KDM4C: variants seen among roughly 807,000 people sequenced by gnomAD.
The protein encoded by KDM4C is lysine-specific demethylase 4C.
Under a neutral mutation model 129.3 loss-of-function variants are expected in KDM4C, and 81 were observed. That is an observed-to-expected ratio of 0.63 (90% CI 0.52 to 0.75). The LOEUF (loss-of-function observed/expected upper bound fraction) is 0.75, where lower values mean the gene tolerates loss of function less well. Among genes scored for constraint, KDM4C ranks in the 30% least tolerant of loss-of-function variants. KDM4C has a pLI of 0.00. For missense variants in KDM4C, 1,457 were observed against 1,304.0 expected, an observed-to-expected ratio of 1.12 and a Z score of -1.81; for synonymous variants, 573 against 456.1, an observed-to-expected ratio of 1.26 and a Z score of -3.26.
At chr9:7,153,036 T>C (rs1194395403) in intron 19 of KDM4C, among the ~76,000 whole-genome samples, 1 of 152,224 alleles carries the variant, frequency 6.6e-6, no homozygotes, top group East Asian at 1.9e-4. Flanking sequence ...TTCCTATCTT[T>C]AAGAAATTTT....
chr9:7,040,369 CTGTGTGTGTG>C (rs527776913), intron 15 of KDM4C, among the ~76,000 whole-genome samples: 12 of 100,392 alleles, frequency 1.2e-4, no homozygotes, highest in South Asian at 7.1e-4. Flanking sequence ...CTACCCCACT[CTGTGTGTGTG>C]TGTGTGTGTG....
chr9:6,951,283 T>C (rs1334657896), intron 8 of KDM4C, among the ~76,000 whole-genome samples: 2 of 152,234 alleles, frequency 1.3e-5, no homozygotes, highest in Admixed American at 6.5e-5. Flanking sequence ...TCTATCTAGC[T>C]GTAACTTTGT....
intron 8 of KDM4C, among the ~76,000 whole-genome samples, chr9:6,905,961 G>T (rs1420898571): frequency 6.6e-6 from 1 of 152,156 alleles, no homozygotes; most frequent in Non-Finnish European, 1.5e-5. Flanking sequence ...CCATATTTCT[G>T]AAAGTATCCA....
chr9:6,976,871 C>A (rs1374110458), intron 8 of KDM4C, among the ~76,000 whole-genome samples: 1 of 150,782 alleles, frequency 6.6e-6, no homozygotes, highest in African/African-American at 2.4e-5. Flanking sequence ...TTGGTGGCTA[C>A]TGTAAAGGGC....
chr9:7,122,750 A>G (rs538260049), intron 18 of KDM4C, among the ~76,000 whole-genome samples: 3 of 151,456 alleles, frequency 2.0e-5, no homozygotes, highest in Admixed American at 1.3e-4. Context: ...TGGCCCTACC[A>G]TTTTTTAAAA....
chr9:7,052,902 C>CGAGA (rs1340297265), intron 17 of KDM4C, among the ~76,000 whole-genome samples: 1,632 of 43,984 alleles, frequency 0.037, 129 homozygotes, highest in African/African-American at 0.053. Flanking sequence ...AGAGAGAGAG[C>CGAGA]GAGCGAGTGC....
chr9:6,963,648 A>C (rs1414139879), intron 8 of KDM4C, among the ~76,000 whole-genome samples: 3 of 152,218 alleles, frequency 2.0e-5, no homozygotes, highest in Non-Finnish European at 2.9e-5. Flanking sequence ...ATCTGAGTTG[A>C]TACTGATGGT....
At chr9:7,119,353 G>A (rs1044868490) in intron 18 of KDM4C, among the ~76,000 whole-genome samples, 11 of 151,982 alleles carry the variant, frequency 7.2e-5, no homozygotes, top group African/African-American at 2.7e-4. Flanking sequence ...TTAGAAAATG[G>A]GAAAAGATAC....
At chr9:6,728,169 A>G (rs1817203555) in intron 1 of KDM4C, among the ~76,000 whole-genome samples, 1 of 150,938 alleles carries the variant, frequency 6.6e-6, no homozygotes, top group South Asian at 2.1e-4. Flanking sequence ...AAAAAGTGTT[A>G]GTGGGATACA....
At chr9:6,899,978 A>G (rs114168814) in intron 8 of KDM4C, among the ~76,000 whole-genome samples, 106 of 152,354 alleles carry the variant, frequency 7.0e-4, no homozygotes, top group African/African-American at 2.3e-3. Context: ...AATAACTTCT[A>G]TACTCTATTG....
At chr9:7,114,516 C>T (rs771121519) in intron 18 of KDM4C, among the ~76,000 whole-genome samples, 18 of 152,270 alleles carry the variant, frequency 1.2e-4, no homozygotes, top group Admixed American at 2.6e-4. Context: ...TCTCAAAATA[C>T]GGTTTTAGTT....
At chr9:7,025,920 C>G (rs892550381) in intron 15 of KDM4C, among the ~76,000 whole-genome samples, 3 of 152,016 alleles carry the variant, frequency 2.0e-5, no homozygotes, top group African/African-American at 4.8e-5. Context: ...TGAAAAACTC[C>G]CAGGCTGGAC....
chr9:7,004,847 A>T (rs1465606896), intron 12 of KDM4C, among the ~76,000 whole-genome samples: 1 of 152,208 alleles, frequency 6.6e-6, no homozygotes, highest in East Asian at 1.9e-4. Context: ...TTTACAGCAT[A>T]CATTTTCAGA....
intron 12 of KDM4C, among the ~76,000 whole-genome samples, chr9:6,996,087 T>C (rs952566767): frequency 3.9e-5 from 6 of 152,252 alleles, no homozygotes; most frequent in Admixed American, 1.3e-4. Flanking sequence ...ATAGTGTACA[T>C]TGTACCCATG....
At chr9:6,822,448 A>G (rs1376079618) in intron 4 of KDM4C, among the ~76,000 whole-genome samples, 1 of 152,230 alleles carries the variant, frequency 6.6e-6, no homozygotes, top group East Asian at 1.9e-4. Flanking sequence ...ATTCATTGCA[A>G]GAAAGAAATT....
chr9:7,134,925 C>G (rs1347972763), intron 19 of KDM4C, among the ~76,000 whole-genome samples: 26 of 152,188 alleles, frequency 1.7e-4, no homozygotes, highest in Non-Finnish European at 1.2e-4. Context: ...ACTAGTCTTA[C>G]AAGTTTCGTG....
At chr9:6,987,228 C>A (rs903962934) in intron 11 of KDM4C, among the ~76,000 whole-genome samples, 1 of 152,190 alleles carries the variant, frequency 6.6e-6, no homozygotes, top group African/African-American at 2.4e-5. Context: ...ACTCTTTCCT[C>A]ATGGACCCTG....
chr9:6,990,340 T>C, intron 11 of KDM4C, 76 bp from the exon 12 acceptor site: 1 of 950,294 alleles, frequency 1.1e-6, no homozygotes, highest in Non-Finnish European at 1.7e-6. Flanking sequence ...TAAATAATTG[T>C]GAACTGTAGG....
intron 17 of KDM4C, among the ~76,000 whole-genome samples, chr9:7,082,101 A>G (rs1000587587): frequency 1.3e-5 from 2 of 152,160 alleles, no homozygotes; most frequent in African/African-American, 4.8e-5. Context: ...CCTTCTCTAG[A>G]GATTCTGCCG....
Sources: gnomAD v4.1 joint callset for allele counts (sites outside exome capture counted in the v4.1 genomes callset) on GRCh38, gnomAD v4.1.1 for gene constraint, MANE v1.5 for transcripts, NCBI Gene and HGNC (gene_info 2026-07-23, HGNC 2026-07-21) for gene names.